Variants in ITPK1 observed in about 807,000 individuals in gnomAD.
The protein encoded by ITPK1 is inositol-tetrakisphosphate 1-kinase, also known as inositol 1,3,4-trisphosphate 5/6-kinase.
Under a neutral mutation model 45.3 loss-of-function variants are expected in ITPK1, and 21 were observed. That is an observed-to-expected ratio of 0.46 (90% CI 0.33 to 0.67). The LOEUF (loss-of-function observed/expected upper bound fraction) is 0.67. Among genes scored for constraint, ITPK1 ranks in the 30% least tolerant of loss-of-function variants. The pLI, the probability that ITPK1 is intolerant of heterozygous loss-of-function variation, is 0.02. For synonymous variants in ITPK1, 258 were observed against 253.6 expected, an observed-to-expected ratio of 1.02 and a Z score of -0.16; for missense variants, 474 against 573.5, an observed-to-expected ratio of 0.83 and a Z score of 1.77.
chr14:93,053,195 C>G (rs2139933844), intron 3 of ITPK1, among the ~76,000 whole-genome samples: 1 of 152,046 alleles, frequency 6.6e-6, no homozygotes, highest in East Asian at 1.9e-4. Flanking sequence ...GAGGGGCTCA[C>G]AAGCAGGGTC....
intron 3 of ITPK1, among the ~76,000 whole-genome samples, chr14:93,037,665 A>G (rs1191922491): frequency 6.6e-6 from 1 of 152,202 alleles, no homozygotes; most frequent in Non-Finnish European, 1.5e-5. Flanking sequence ...CCGGATGTTA[A>G]AGACAAGGAA....
intron 4 of ITPK1, among the ~76,000 whole-genome samples, chr14:93,015,512 C>A (rs756914456): frequency 6.6e-6 from 1 of 152,250 alleles, no homozygotes; most frequent in Non-Finnish European, 1.5e-5. Context: ...TGAGGCTCCA[C>A]GAGGTCACAG....
chr14:93,043,173 C>T (rs887561206), intron 3 of ITPK1, among the ~76,000 whole-genome samples: 4 of 152,068 alleles, frequency 2.6e-5, no homozygotes, highest in African/African-American at 7.2e-5. Context: ...GGATTGGCCA[C>T]GTGGGCCACA....
intron 3 of ITPK1, among the ~76,000 whole-genome samples, chr14:93,046,586 G>A (rs562329225): frequency 1.3e-3 from 184 of 142,178 alleles, no homozygotes; most frequent in African/African-American, 4.6e-3. Context: ...TGGCCCAGCA[G>A]CCGGGGGCGG....
intron 2 of ITPK1, among the ~76,000 whole-genome samples, chr14:93,108,799 G>C (rs892073027): frequency 4.6e-5 from 7 of 152,220 alleles, no homozygotes; most frequent in African/African-American, 1.7e-4. Flanking sequence ...GATCAATTGA[G>C]GCCAGGAGTT....
intron 2 of ITPK1, among the ~76,000 whole-genome samples, chr14:93,094,503 T>C (rs1891988517): frequency 6.6e-6 from 1 of 152,132 alleles, no homozygotes; most frequent in Non-Finnish European, 1.5e-5. Flanking sequence ...GAAGCCATCA[T>C]TTTATCAGTG....
intron 3 of ITPK1, among the ~76,000 whole-genome samples, chr14:93,027,629 G>A (rs112596383): frequency 2.6e-4 from 39 of 152,264 alleles, no homozygotes; most frequent in African/African-American, 9.4e-4. Context: ...ACATGTGCAC[G>A]CACGTGGACA....
intron 3 of ITPK1, among the ~76,000 whole-genome samples, chr14:93,030,975 T>G (rs1027985453): frequency 6.6e-6 from 1 of 152,182 alleles, no homozygotes; most frequent in African/African-American, 2.4e-5. Flanking sequence ...CAAAGATGGC[T>G]GGCAATCCAC....
intron 10 of ITPK1, among the ~76,000 whole-genome samples, chr14:92,945,537 G>A (rs1165248825): frequency 6.6e-6 from 1 of 152,236 alleles, no homozygotes; most frequent in Non-Finnish European, 1.5e-5. Flanking sequence ...AAGGAACGGG[G>A]GACCCCCATC....
intron 3 of ITPK1, among the ~76,000 whole-genome samples, chr14:93,065,502 G>A (rs1247400885): frequency 6.6e-6 from 1 of 152,082 alleles, no homozygotes; most frequent in African/African-American, 2.4e-5. Context: ...TATGAGACTG[G>A]GTCCATTATT....
intron 4 of ITPK1, among the ~76,000 whole-genome samples, chr14:93,004,988 A>G (rs919092041): frequency 1.3e-5 from 2 of 152,072 alleles, no homozygotes; most frequent in Non-Finnish European, 2.9e-5. Flanking sequence ...CTCAACATGA[A>G]AAGTGAGGAC....
rs1226899823 is a variant in ITPK1, at chr14:93,034,207, GC to G, written c.121-17407del. On this transcript the variant is annotated intron_variant, in intron 3 of 10. Coordinates refer to ENST00000267615, the MANE Select transcript of ITPK1 (RefSeq NM_014216.6). The surrounding 1 kb of genome is among the most constrained non-coding windows in gnomAD (Gnocchi z 4.1). ...CCCCAGCACACTGAACTGGGAGGTG[GC>G]TTCAGCCACACAGCACCTGCAGCAG... is the stretch of plus-strand genomic sequence containing the variant. Among the ~76,000 whole-genome samples the G allele has an allele frequency of 6.6e-6, 1 of 150,632 alleles. No individual in the cohort carries two copies. The highest frequency in any genetic ancestry group is 2.4e-5 in the African/African-American group (1 of 40,842).
intron 7 of ITPK1, among the ~76,000 whole-genome samples, chr14:92,959,966 T>C (rs1884972377): frequency 6.6e-6 from 1 of 152,172 alleles, no homozygotes; most frequent in African/African-American, 2.4e-5. Flanking sequence ...CAGTGCTATT[T>C]TCTGCCCCTG....
intron 5 of ITPK1, among the ~76,000 whole-genome samples, chr14:92,971,990 T>C (rs1885683017): frequency 6.6e-6 from 1 of 152,154 alleles, no homozygotes; most frequent in Non-Finnish European, 1.5e-5. Context: ...CGCGACCTCT[T>C]CCCAGCTCCT....
At chr14:92,952,347 G>A (rs993997351) in intron 8 of ITPK1, among the ~76,000 whole-genome samples, 8 of 152,214 alleles carry the variant, frequency 5.3e-5, no homozygotes, top group African/African-American at 1.9e-4. Context: ...GGGCTCGGTG[G>A]GACAGCTAAA....
chr14:92,971,881 C>T (rs1158511036), intron 5 of ITPK1, among the ~76,000 whole-genome samples: 1 of 152,208 alleles, frequency 6.6e-6, no homozygotes, highest in Admixed American at 6.5e-5. Context: ...TGGATGCCCA[C>T]CCTCCTCGGG....
At chr14:93,048,605 C>T (rs1161274319) in intron 3 of ITPK1, among the ~76,000 whole-genome samples, 1 of 152,150 alleles carries the variant, frequency 6.6e-6, no homozygotes, top group Admixed American at 6.5e-5. Flanking sequence ...TATCTGGAAG[C>T]GGGGAAGAAG....
intron 2 of ITPK1, among the ~76,000 whole-genome samples, chr14:93,091,448 C>T (rs767498809): frequency 1.3e-5 from 2 of 152,218 alleles, no homozygotes; most frequent in Non-Finnish European, 2.9e-5. Flanking sequence ...AAGAAGGCAC[C>T]AGGCACATCA....
At chr14:92,962,545 C>T in intron 6 of ITPK1, 150 bp from the exon 7 acceptor site, 1 of 750,522 alleles carries the variant, frequency 1.3e-6, no homozygotes, top group African/African-American at 1.7e-5. Context: ...GGGTAGACAC[C>T]CCCAGGCCAG....
Sources: allele counts gnomAD v4.1 joint callset (sites outside exome capture counted in the v4.1 genomes callset), GRCh38; gene constraint gnomAD v4.1.1; non-coding constraint Gnocchi (gnomAD v3.1); transcripts MANE v1.5; gene names NCBI Gene and HGNC (gene_info 2026-07-23, HGNC 2026-07-21).